Variants in CAPN7 observed in about 807,000 individuals in gnomAD.
The protein encoded by CAPN7 is calpain-7.
Under a neutral mutation model 115.2 loss-of-function variants are expected in CAPN7, and 72 were observed. The ratio of observed to expected loss-of-function variants is 0.63; its 90% CI spans 0.52 to 0.76. CAPN7 has a LOEUF of 0.76. Ranked by LOEUF, CAPN7 falls within the 30% of genes least tolerant of loss-of-function variation. The pLI is 0.00. For missense variants in CAPN7, 905 were observed against 971.5 expected, an observed-to-expected ratio of 0.93 and a Z score of 0.91; for synonymous variants, 344 against 322.3, an observed-to-expected ratio of 1.07 and a Z score of -0.72.
chr3:15,232,182 T>C (rs1575209161), intron 9 of CAPN7: 1 of 378,234 alleles, frequency 2.6e-6, no homozygotes, highest in Non-Finnish European at 5.0e-6. Context: ...TTGAGCATCA[T>C]GTCAGTGATC....
intron 7 of CAPN7, among the ~76,000 whole-genome samples, chr3:15,228,434 A>G (rs1377412312): frequency 6.6e-6 from 1 of 152,224 alleles, no homozygotes; most frequent in Non-Finnish European, 1.5e-5. Context: ...TTGTAGCACT[A>G]TTCAAAATAA....
At chr3:15,225,778 A>G (rs1338577846) in intron 6 of CAPN7, among the ~76,000 whole-genome samples, 1 of 152,236 alleles carries the variant, frequency 6.6e-6, no homozygotes, top group African/African-American at 2.4e-5. Context: ...TAGGTATTCA[A>G]TAAATATTTC....
intron 3 of CAPN7, 147 bp downstream of exon 3, chr3:15,217,729 A>T: frequency 3.6e-6 from 2 of 550,384 alleles, no homozygotes; most frequent in Non-Finnish European, 5.8e-6. Flanking sequence ...TCAATATAAG[A>T]TGATGAGTAG....
chr3:15,227,760 AT>A, intron 6 of CAPN7, 78 bp from the exon 7 acceptor site: 2 of 918,060 alleles, frequency 2.2e-6, no homozygotes, highest in East Asian at 3.1e-5. Context: ...CAAAAAAAAA[AT>A]CTCTAGGAAA....
chr3:15,247,997 G>A (rs1009378347), intron 19 of CAPN7, among the ~76,000 whole-genome samples: 6 of 151,286 alleles, frequency 4.0e-5, no homozygotes, highest in Admixed American at 1.3e-4. Context: ...GACACAGGAA[G>A]GGGAATATCA....
At chr3:15,247,658 A>C (rs905247383) in intron 19 of CAPN7, among the ~76,000 whole-genome samples, 1 of 152,202 alleles carries the variant, frequency 6.6e-6, no homozygotes, top group African/African-American at 2.4e-5. Context: ...GGGTAATTAG[A>C]ACCCTGTTTC....
At chr3:15,246,486 C>T in intron 17 of CAPN7, 1 of 425,774 alleles carries the variant, frequency 2.3e-6, no homozygotes, top group Non-Finnish European at 4.2e-6. Flanking sequence ...ATTCCTTTTT[C>T]AGATGCAGAA....
chr3:15,219,718 C>T (rs1693851382), intron 4 of CAPN7, among the ~76,000 whole-genome samples: 1 of 152,098 alleles, frequency 6.6e-6, no homozygotes, highest in Non-Finnish European at 1.5e-5. Flanking sequence ...CACAAGAATC[C>T]TGAAGCTCAT....
chr3:15,213,811 A>G (rs1278540712), intron 2 of CAPN7, among the ~76,000 whole-genome samples: 7 of 152,228 alleles, frequency 4.6e-5, no homozygotes, highest in Admixed American at 6.5e-5. Context: ...GTGATATTCA[A>G]GCATCAAATG....
At chr3:15,229,557 T>TTTC (rs1463949630) in intron 8 of CAPN7, among the ~76,000 whole-genome samples, 1 of 122,238 alleles carries the variant, frequency 8.2e-6, no homozygotes, top group African/African-American at 5.0e-5. Context: ...GTTTTACTTT[T>TTTC]TTTCTTTTTT....
At chr3:15,215,317 CT>C (rs1227539097) in intron 2 of CAPN7, among the ~76,000 whole-genome samples, 4 of 152,150 alleles carry the variant, frequency 2.6e-5, no homozygotes, top group Admixed American at 2.0e-4. Context: ...AAATCTCAGA[CT>C]TTTCTTAAAT....
chr3:15,232,762 G>T, intron 10 of CAPN7, 97 bp downstream of exon 10: 1 of 1,037,272 alleles, frequency 9.6e-7, no homozygotes, highest in East Asian at 2.7e-5. Flanking sequence ...TGTTTATAGG[G>T]AAAGAGAGCA....
chr3:15,218,435 T>G, intron 3 of CAPN7, 38 bp from the exon 4 acceptor site: 2 of 1,476,890 alleles, frequency 1.4e-6, no homozygotes, highest in Non-Finnish European at 1.9e-6. Context: ...TGAAAAATAA[T>G]TATGCTTTAA....
intron 18 of CAPN7, 28 bp downstream of exon 18, chr3:15,246,822 CAGCATTCTTTTAG>C: frequency 6.7e-7 from 1 of 1,488,838 alleles, no homozygotes; most frequent in South Asian, 1.2e-5. Flanking sequence ...GTTGTAATCT[CAGCATTCTTTTAG>C]AATTTTTAAA....
At chr3:15,217,351 A>G (rs962871691) in intron 2 of CAPN7, 74 bp from the exon 3 acceptor site, 1 of 1,245,472 alleles carries the variant, frequency 8.0e-7, no homozygotes, top group Non-Finnish European at 1.1e-6. Context: ...AAAATGTCTT[A>G]AATAGTGAAA....
chr3:15,209,909 C>T (rs1322051095), intron 1 of CAPN7, among the ~76,000 whole-genome samples: 3 of 151,964 alleles, frequency 2.0e-5, no homozygotes, highest in Non-Finnish European at 4.4e-5. Context: ...TGTTTTCTGC[C>T]CAGTCCTTTC....
chr3:15,210,669 A>T, intron 1 of CAPN7: 1 of 462,720 alleles, frequency 2.2e-6, no homozygotes, highest in Non-Finnish European at 3.7e-6. Context: ...ATCACAGCTC[A>T]CTGCAGCCTC....
Position 15,245,448 on chromosome 3 carries a change from A to C in CAPN7, c.1865-78A>C, listed in dbSNP as rs1575246738. The C allele has an allele frequency of 3.8e-6, 5 of 1,319,304 alleles. No individual in the cohort carries two copies. In the South Asian group the frequency reaches 7.0e-5, roughly 18 times the overall value. 81.7% of individuals were successfully genotyped at this position (1,319,304 alleles called of 1,614,324 possible). On this transcript the variant is annotated intron_variant, in intron 16 of 20. Coordinates refer to ENST00000253693, the MANE Select transcript of CAPN7 (RefSeq NM_014296.3). ...CAGTTAAGGAGATGTCCATCCAAGTAATTATTTTTCCTACATCAACCATAA... is the reference window on the plus strand; with the variant it reads ...CAGTTAAGGAGATGTCCATCCAAGTCATTATTTTTCCTACATCAACCATAA...
chr3:15,211,785 C>A (rs551632542), intron 1 of CAPN7, among the ~76,000 whole-genome samples: 1 of 152,188 alleles, frequency 6.6e-6, no homozygotes, highest in Non-Finnish European at 1.5e-5. Context: ...GTCCCAGCTA[C>A]TCGGGAGGCT....
Sources: allele counts gnomAD v4.1 joint callset (sites outside exome capture counted in the v4.1 genomes callset), GRCh38; gene constraint gnomAD v4.1.1; transcripts MANE v1.5; gene names NCBI Gene and HGNC (gene_info 2026-07-23, HGNC 2026-07-21).